The following PRDM16 variants were observed in gnomAD, a reference collection of about 807,000 sequenced individuals.
PRDM16 encodes the protein histone-lysine N-methyltransferase PRDM16.
In PRDM16, 23 loss-of-function variants were observed where a neutral mutation model predicts 110.6. That is an observed-to-expected ratio of 0.21 (90% CI 0.15 to 0.29). The LOEUF (loss-of-function observed/expected upper bound fraction) is 0.29, where lower values mean the gene tolerates loss of function less well. PRDM16 is among the 10% of genes least tolerant of loss of function. The pLI, the probability that PRDM16 is intolerant of heterozygous loss-of-function variation, is 1.00. For synonymous variants in PRDM16, 799 were observed against 781.8 expected (o/e 1.02, Z -0.37); for missense variants, 1,615 against 1,794.3 (o/e 0.90, Z 1.81).
chr1:3,266,956 G>A (rs1234216327), intron 3 of PRDM16, among the ~76,000 whole-genome samples: 1 of 152,214 alleles, frequency 6.6e-6, no homozygotes, highest in Non-Finnish European at 1.5e-5. Context: ...GGGATTACAG[G>A]TGTGAGCCAC....
chr1:3,100,380 T>G (rs1642503125), intron 1 of PRDM16, among the ~76,000 whole-genome samples: 1 of 152,202 alleles, frequency 6.6e-6, no homozygotes, highest in Non-Finnish European at 1.5e-5. Context: ...TTCCAGTGGG[T>G]GGCTGAGCCG....
chr1:3,083,589 TGCTGTCAGGGGAGGC>T (rs1203161796), intron 1 of PRDM16, among the ~76,000 whole-genome samples: 3 of 81,582 alleles, frequency 3.7e-5, no homozygotes, highest in African/African-American at 1.1e-4. Context: ...ACACAGCGCC[TGCTGTCAGGGGAGGC>T]GGGTGTCAGC....
Position 3,425,763 on chromosome 1 carries a change from G to T in PRDM16, c.3109+13G>T. 6.2e-7 allele frequency: 1 copy of T among 1,612,928 alleles called. No individual in the cohort carries two copies. Among genetic ancestry groups the T allele is most frequent in the East Asian group, 2.2e-5 (1 of 44,860 alleles). The stretch of plus-strand genomic sequence containing the variant: ...GAGAACGCACCAGGTGGGCCACGCG[G>T]GGTGGGGCAGCCCCCAGAGCACCCA... On this transcript the variant is annotated intron_variant, in intron 13 of 16. Coordinates refer to ENST00000270722, the MANE Select transcript of PRDM16 (RefSeq NM_022114.4). The surrounding 1 kb of genome is among the most constrained non-coding windows in gnomAD (Gnocchi z 6.9).
intron 2 of PRDM16, among the ~76,000 whole-genome samples, chr1:3,230,427 T>C (rs562878485): frequency 1.3e-4 from 20 of 152,314 alleles, no homozygotes; most frequent in African/African-American, 4.8e-4. Context: ...CCACCAGACC[T>C]GCCCCAGAGA....
chr1:3,434,059 G>A lies in PRDM16; in HGVS notation c.*248G>A. 3 of 463,222 alleles carry A rather than the reference G, an allele frequency of 6.5e-6. No individual in the cohort carries two copies. The highest frequency in any genetic ancestry group is 1.1e-5 in the Non-Finnish European group (3 of 260,924). The allele number at this position is 463,222 out of a possible 1,614,324, so 28.7% of individuals were successfully genotyped here. ...CTGTTCAGTGACGGCCATGCAGGTG[G>A]CCGTCCAAAGACAGCCAACGGAGCT... On this transcript the variant is annotated 3_prime_UTR_variant, in exon 17 of 17. Transcript: ENST00000270722.
chr1:3,252,112 C>T (rs566242372), intron 3 of PRDM16, among the ~76,000 whole-genome samples: 88 of 152,342 alleles, frequency 5.8e-4, no homozygotes, highest in Non-Finnish European at 1.0e-3. Flanking sequence ...CCTTGGGACC[C>T]TTCCCGAGGC....
chr1:3,262,839 A>C (rs1193078351), intron 3 of PRDM16, among the ~76,000 whole-genome samples: 1 of 151,688 alleles, frequency 6.6e-6, no homozygotes, highest in South Asian at 2.1e-4. Context: ...CAGTAATGAC[A>C]ACACACAGAC....
At chr1:3,183,266 C>T (rs996451516) in intron 1 of PRDM16, among the ~76,000 whole-genome samples, 1 of 152,212 alleles carries the variant, frequency 6.6e-6, no homozygotes, top group African/African-American at 2.4e-5. Flanking sequence ...CTTGCTGACC[C>T]TCTCGGGGGC....
At chr1:3,326,208 C>T (rs552756744) in intron 3 of PRDM16, among the ~76,000 whole-genome samples, 2 of 152,310 alleles carry the variant, frequency 1.3e-5, no homozygotes, top group South Asian at 4.2e-4. Flanking sequence ...ATCCTTGGCC[C>T]TCCTTGGCCA....
At chr1:3,254,027 A>T (rs538999497) in intron 3 of PRDM16, among the ~76,000 whole-genome samples, 4 of 152,124 alleles carry the variant, frequency 2.6e-5, no homozygotes, top group Admixed American at 2.0e-4. Flanking sequence ...GTGTCTGTTC[A>T]TGTCCTTCAC....
chr1:3,169,576 TG>T (rs1644001373), intron 1 of PRDM16, among the ~76,000 whole-genome samples: 2 of 152,126 alleles, frequency 1.3e-5, no homozygotes, highest in Non-Finnish European at 2.9e-5. Context: ...GTCCCGGGGT[TG>T]TTGCTGAGGG....
At chr1:3,288,772 T>C (rs1031205720) in intron 3 of PRDM16, among the ~76,000 whole-genome samples, 1 of 152,078 alleles carries the variant, frequency 6.6e-6, no homozygotes, top group African/African-American at 2.4e-5. Context: ...CAGCCAGCCC[T>C]CCCTGCCTTG....
In PRDM16 at chr1:3,193,122, C is replaced by T. The variant is rs377259375; in HGVS notation, c.387+6648C>T. On this transcript the variant is annotated intron_variant, in intron 2 of 16. Transcript: ENST00000270722. ...GACGGCGAGTACCCAGCAGACACAGCGGCCAGACGACGAGTACCCAGCAGA... is the reference window on the plus strand; with the variant it reads ...GACGGCGAGTACCCAGCAGACACAGTGGCCAGACGACGAGTACCCAGCAGA... Among the ~76,000 whole-genome samples the T allele has an allele frequency of 3.0e-4, 45 of 152,176 alleles. No homozygotes were observed. In the South Asian group the frequency reaches 3.7e-3, roughly 13 times the overall value.
chr1:3,339,602 T>C lies in PRDM16; in HGVS notation c.439-45550T>C, dbSNP rs1283125302. On this transcript the variant is annotated intron_variant, in intron 3 of 16. Transcript: ENST00000270722. This position sits in a 1 kb window ranked among gnomAD's most constrained non-coding sequence, Gnocchi z 5.0. ...AGGAGGCTGCGGAGCGACCATTGCCTTGGTCTCGCTCACACCTCCCACCTT... is the reference window on the plus strand; with the variant it reads ...AGGAGGCTGCGGAGCGACCATTGCCCTGGTCTCGCTCACACCTCCCACCTT... Among the ~76,000 whole-genome samples the C allele has an allele frequency of 6.6e-6, 1 of 151,952 alleles. No homozygotes were observed. The highest frequency in any genetic ancestry group is 1.9e-4 in the East Asian group (1 of 5,144).
intron 3 of PRDM16, among the ~76,000 whole-genome samples, chr1:3,285,448 C>A (rs1640823231): frequency 6.6e-6 from 1 of 152,222 alleles, no homozygotes. Context: ...GCAGCCCTGC[C>A]ACAGCCGCTG....
chr1:3,278,958 C>T (rs1640650325), intron 3 of PRDM16, among the ~76,000 whole-genome samples: 1 of 152,242 alleles, frequency 6.6e-6, no homozygotes. Flanking sequence ...ATCCGTGGAG[C>T]CACACGGTGC....
chr1:3,175,104 C>T lies in PRDM16; in HGVS notation c.38-11021C>T, dbSNP rs577924761. ...TTCCTGGAGTTACGACAGCTTTGTT[C>T]TTGTCTCAAAGCCAAGATCCAGGGC... On this transcript the variant is annotated intron_variant, in intron 1 of 16. Transcript: ENST00000270722. This position sits in a 1 kb window ranked among gnomAD's most constrained non-coding sequence, Gnocchi z 4.8. Among the ~76,000 whole-genome samples, 3 of 152,278 alleles carry T rather than the reference C, an allele frequency of 2.0e-5. No homozygotes were observed. The highest frequency in any genetic ancestry group is 4.4e-5 in the Non-Finnish European group (3 of 68,016).
intron 3 of PRDM16, among the ~76,000 whole-genome samples, chr1:3,328,957 C>G (rs61451238): frequency 1.3e-5 from 2 of 152,156 alleles, no homozygotes; most frequent in Non-Finnish European, 2.9e-5. Flanking sequence ...CCAATGCTGG[C>G]GGGTAGGGAA....
chr1:3,079,958 C>T (rs4648452), intron 1 of PRDM16, among the ~76,000 whole-genome samples: 21,894 of 152,216 alleles, frequency 0.14, 1,998 homozygotes, highest in South Asian at 0.19. Context: ...CCCTCCGTGG[C>T]GCCAGAGTTG....
Sources: allele counts gnomAD v4.1 joint callset (sites outside exome capture counted in the v4.1 genomes callset), GRCh38; gene constraint gnomAD v4.1.1; non-coding constraint Gnocchi (gnomAD v3.1); transcripts MANE v1.5; gene names NCBI Gene and HGNC (gene_info 2026-07-23, HGNC 2026-07-21).